Variants in SERGEF observed in about 807,000 individuals in gnomAD.
SERGEF encodes secretion regulating guanine nucleotide exchange factor.
Under a neutral mutation model 50.0 loss-of-function variants are expected in SERGEF, and 51 were observed. That is an observed-to-expected ratio of 1.02 (90% CI 0.81 to 1.29). SERGEF has a LOEUF of 1.29. SERGEF is among the 50% of genes most tolerant of loss of function. The pLI is 0.00. For missense variants in SERGEF, 521 were observed against 557.0 expected, an observed-to-expected ratio of 0.94 and a Z score of 0.65; for synonymous variants, 205 against 212.4, an observed-to-expected ratio of 0.97 and a Z score of 0.30.
intron 10 of SERGEF, among the ~76,000 whole-genome samples, chr11:17,841,547 G>C (rs927617180): frequency 6.6e-6 from 1 of 152,106 alleles, no homozygotes; most frequent in South Asian, 2.1e-4. Flanking sequence ...CATTGCAAAA[G>C]CTCCTTAACT....
chr11:17,805,142 C>G (rs1849734387), intron 10 of SERGEF, among the ~76,000 whole-genome samples: 1 of 152,166 alleles, frequency 6.6e-6, no homozygotes, highest in Non-Finnish European at 1.5e-5. Context: ...AAAATTTTCC[C>G]TTCCTAACAG....
rs185046756 is a variant in SERGEF, at chr11:17,895,932, T to G, written c.1012-17688A>C. ...TCCCATATCATTGTTTCATTGAAAATGTGATTTTCCAGACTTTATAGCATC... is the reference window on the plus strand; with the variant it reads ...TCCCATATCATTGTTTCATTGAAAAGGTGATTTTCCAGACTTTATAGCATC... On this transcript the variant is annotated intron_variant, in intron 9 of 10. Coordinates refer to ENST00000265965, the MANE Select transcript of SERGEF (RefSeq NM_012139.4). 4.4e-3 allele frequency among the ~76,000 whole-genome samples: 668 copies of G among 152,322 alleles called. 3 individuals are homozygous for G. Among genetic ancestry groups the G allele is most frequent in the Non-Finnish European group, 6.2e-3 (421 of 68,026 alleles).
chr11:17,965,946 C>T (rs751830356), intron 8 of SERGEF, among the ~76,000 whole-genome samples: 3 of 152,212 alleles, frequency 2.0e-5, no homozygotes, highest in Non-Finnish European at 2.9e-5. Flanking sequence ...AAGCCTATGG[C>T]ACATACTAAC....
intron 9 of SERGEF, among the ~76,000 whole-genome samples, chr11:17,942,380 T>C (rs1852578223): frequency 6.6e-6 from 1 of 152,188 alleles, no homozygotes; most frequent in African/African-American, 2.4e-5. Flanking sequence ...TGTAAAATTA[T>C]AATCGTAAAA....
At chr11:18,003,236 G>A (rs1009645639) in intron 4 of SERGEF, among the ~76,000 whole-genome samples, 3 of 152,174 alleles carry the variant, frequency 2.0e-5, no homozygotes, top group Non-Finnish European at 4.4e-5. Flanking sequence ...CAGCTTAGGT[G>A]GTAAAACTCA....
intron 10 of SERGEF, chr11:17,863,579 C>T (rs1441770792): frequency 6.6e-6 from 1 of 152,250 alleles, no homozygotes; most frequent in African/African-American, 2.4e-5. Context: ...TTCATTCTTT[C>T]TCCTAGTTCT....
rs751615747 is a variant in SERGEF, at chr11:17,788,421, G to A, written c.1049-8C>T. ...AAGAGTAACACACTCCACCTGTGAA[G>A]GAGAGGGAAGACTGCTGTAGAAGAG... is the stretch of plus-strand genomic sequence containing the variant. On this transcript the variant is annotated splice_region_variant and splice_polypyrimidine_tract_variant and intron_variant, in intron 10 of 10. Transcript: ENST00000265965. 14 of 1,593,750 alleles carry A rather than the reference G, an allele frequency of 8.8e-6. No homozygotes were observed. Among genetic ancestry groups the A allele is most frequent in the Non-Finnish European group, 1.1e-5 (13 of 1,165,658 alleles).
chr11:17,881,393 T>C, intron 9 of SERGEF, among the ~76,000 whole-genome samples: 1 of 152,196 alleles, frequency 6.6e-6, no homozygotes, highest in Non-Finnish European at 1.5e-5. Flanking sequence ...AATGTAGAGC[T>C]TGAAGCTCAA....
At chr11:17,838,610 G>C (rs1850448314) in intron 10 of SERGEF, among the ~76,000 whole-genome samples, 2 of 152,086 alleles carry the variant, frequency 1.3e-5, no homozygotes. Context: ...ATTTTATAGA[G>C]AAACTGGGGC....
intron 10 of SERGEF, among the ~76,000 whole-genome samples, chr11:17,858,285 C>T (rs1850862263): frequency 6.6e-6 from 1 of 152,118 alleles, no homozygotes; most frequent in South Asian, 2.1e-4. Flanking sequence ...TGACCCAGGG[C>T]AGCCCTGGAC....
At chr11:17,829,058 A>G (rs1850250046) in intron 10 of SERGEF, among the ~76,000 whole-genome samples, 1 of 152,244 alleles carries the variant, frequency 6.6e-6, no homozygotes, top group Non-Finnish European at 1.5e-5. Context: ...ACAACCATGA[A>G]TCAATCACAG....
At position 17,911,508 on chromosome 11, in the gene SERGEF, T is replaced by C. The variant is rs182289719; in HGVS notation, c.1012-33264A>G. On this transcript the variant is annotated intron_variant, in intron 9 of 10. Transcript: ENST00000265965. The stretch of plus-strand genomic sequence containing the variant: ...AGTCTTTCTTTGTCACCTAGGTTTT[T>C]TTGAGACAGGATCTCTCTGTTGCCC... Among the ~76,000 whole-genome samples, 11 of 151,892 alleles carry C rather than the reference T, an allele frequency of 7.2e-5. No homozygotes were observed. The East Asian group carries it at 2.1e-3, about 29-fold the overall frequency.
At chr11:17,788,514 C>A in intron 10 of SERGEF, 101 bp from the exon 11 acceptor site, 1 of 978,960 alleles carries the variant, frequency 1.0e-6, no homozygotes, top group East Asian at 2.7e-5. Context: ...CCAGTTCACT[C>A]AGGAAGACGC....
rs1297321039 is a variant in SERGEF at position 17,959,777 on chromosome 11, C to A, written c.845-141G>T. 32 of 685,328 alleles carry A rather than the reference C, an allele frequency of 4.7e-5. 1 individual carries two copies. The South Asian group carries it at 6.4e-4, about 14-fold the overall frequency. 42.5% of individuals were successfully genotyped at this position (685,328 alleles called of 1,614,324 possible). On this transcript the variant is annotated intron_variant, in intron 8 of 10. Coordinates refer to ENST00000265965, the MANE Select transcript of SERGEF (RefSeq NM_012139.4). ...TTCCTATCTTCCTGTAAAGAAGGCA[C>A]ATGCACTCATATTTTTACAGATGTG...
chr11:17,936,551 T>G (rs894604188), intron 9 of SERGEF, among the ~76,000 whole-genome samples: 4 of 152,120 alleles, frequency 2.6e-5, no homozygotes, highest in Non-Finnish European at 1.5e-5. Flanking sequence ...AGAACAGGAT[T>G]TTTTTTTCAT....
chr11:18,000,329 G>A (rs1395281010), intron 5 of SERGEF, among the ~76,000 whole-genome samples, 168 bp downstream of exon 5: 3 of 152,068 alleles, frequency 2.0e-5, no homozygotes, highest in African/African-American at 7.2e-5. Flanking sequence ...TGCACCTATA[G>A]TTCTAGCTAC....
chr11:17,920,242 G>T (rs1269916634), intron 9 of SERGEF, among the ~76,000 whole-genome samples: 4 of 152,126 alleles, frequency 2.6e-5, no homozygotes, highest in Admixed American at 2.6e-4. Flanking sequence ...GCGAGACTCT[G>T]TCTCAAAAAC....
chr11:17,983,745 G>GAAA (rs10672775), intron 8 of SERGEF, among the ~76,000 whole-genome samples: 7 of 140,882 alleles, frequency 5.0e-5, no homozygotes, highest in African/African-American at 1.1e-4. Context: ...TATGAGAACA[G>GAAA]AAAAAAAAAA....
At chr11:17,891,581 A>G (rs956855049) in intron 9 of SERGEF, among the ~76,000 whole-genome samples, 3 of 152,228 alleles carry the variant, frequency 2.0e-5, no homozygotes, top group Non-Finnish European at 4.4e-5. Context: ...TAAGCCTGGA[A>G]AAAAAGATTT....
Sources: allele counts gnomAD v4.1 joint callset (sites outside exome capture counted in the v4.1 genomes callset), GRCh38; gene constraint gnomAD v4.1.1; transcripts MANE v1.5; gene names NCBI Gene and HGNC (gene_info 2026-07-23, HGNC 2026-07-21).